The following DNAH12 variants were observed in gnomAD, a reference collection of about 807,000 sequenced individuals.
The protein encoded by DNAH12 is dynein axonemal heavy chain 12, also known as axonemal beta dynein heavy chain 12.
A neutral mutation model predicts 371.5 loss-of-function variants in DNAH12; 285 were observed. That is an observed-to-expected ratio of 0.77 (90% CI 0.70 to 0.85). The LOEUF (loss-of-function observed/expected upper bound fraction) is 0.85, where lower values mean the gene tolerates loss of function less well. Among genes scored for constraint, DNAH12 ranks in the 40% least tolerant of loss-of-function variants. The probability of loss-of-function intolerance (pLI) is 0.00; values close to 1 mark genes in which losing one functional copy is unlikely to be tolerated. For synonymous variants in DNAH12, 1,200 were observed against 1,213.0 expected (o/e 0.99, Z 0.22); for missense variants, 3,611 against 3,689.4 (o/e 0.98, Z 0.55).
intron 32 of DNAH12, among the ~76,000 whole-genome samples, chr3:57,431,032 C>G (rs188268599): frequency 6.6e-6 from 1 of 152,196 alleles, no homozygotes; most frequent in Admixed American, 6.5e-5. Context: ...TCAGAGAACA[C>G]AGATAGTTGC....
chr3:57,516,263 C>T (rs2068190882), intron 4 of DNAH12, among the ~76,000 whole-genome samples: 1 of 151,512 alleles, frequency 6.6e-6, no homozygotes, highest in Non-Finnish European at 1.5e-5. Context: ...GGGGTTTCAC[C>T]ATGTTGGTCA....
At chr3:57,501,943 A>G (rs9843926) in intron 10 of DNAH12, among the ~76,000 whole-genome samples, 101,037 of 150,676 alleles carry the variant, frequency 0.67, 34,044 homozygotes, top group South Asian at 0.75. Context: ...GTCTCGCTCT[A>G]TCGCCCAGGC....
At chr3:57,435,373 C>CAAAAAAAAAAAAAAAAAAAAAAAA (rs34515598) in intron 30 of DNAH12, among the ~76,000 whole-genome samples, 8 of 94,742 alleles carry the variant, frequency 8.4e-5, no homozygotes, top group Non-Finnish European at 1.6e-4. Flanking sequence ...CTCTGTCTCC[C>CAAAAAAAAAAAAAAAAAAAAAAAA]AAAAAAAAAA....
intron 2 of DNAH12, among the ~76,000 whole-genome samples, chr3:57,541,503 C>A (rs2069282201): frequency 6.6e-6 from 1 of 151,674 alleles, no homozygotes; most frequent in South Asian, 2.1e-4. Context: ...GTAGTTAGGA[C>A]CACAGGCATG....
intron 59 of DNAH12, among the ~76,000 whole-genome samples, chr3:57,354,398 G>A (rs2062749376): frequency 6.6e-6 from 1 of 152,030 alleles, no homozygotes; most frequent in East Asian, 1.9e-4. Context: ...TGGGTACCAT[G>A]CTTATTACCT....
At chr3:57,432,288 G>A (rs2064980411) in intron 32 of DNAH12, among the ~76,000 whole-genome samples, 1 of 149,358 alleles carries the variant, frequency 6.7e-6, no homozygotes, top group Admixed American at 6.8e-5. Flanking sequence ...TCCTGCCTCA[G>A]CCTCCTGAGT....
At chr3:57,494,845 C>T (rs1239331652) in intron 11 of DNAH12, among the ~76,000 whole-genome samples, 3 of 151,712 alleles carry the variant, frequency 2.0e-5, no homozygotes, top group Non-Finnish European at 4.4e-5. Flanking sequence ...CCCTTCTTTA[C>T]AAAAAATACA....
At chr3:57,503,951 T>A in intron 9 of DNAH12, 65 bp downstream of exon 9, 2 of 1,324,070 alleles carry the variant, frequency 1.5e-6, no homozygotes, top group Admixed American at 4.0e-5. Context: ...TATGTACACA[T>A]ACACTGCATA....
At chr3:57,400,556 GATTA>G (rs1444393567) in intron 43 of DNAH12, among the ~76,000 whole-genome samples, 23 of 152,256 alleles carry the variant, frequency 1.5e-4, no homozygotes, top group Admixed American at 4.6e-4. Context: ...ACTATGATTA[GATTA>G]ATTAATAAAT....
chr3:57,337,196 A>C (rs2062244243), intron 60 of DNAH12, among the ~76,000 whole-genome samples: 1 of 152,208 alleles, frequency 6.6e-6, no homozygotes, highest in African/African-American at 2.4e-5. Context: ...CAGCAAGAGA[A>C]TATAACAATT....
chr3:57,295,503 A>C, intron 73 of DNAH12, 22 bp downstream of exon 73: 1 of 1,542,286 alleles, frequency 6.5e-7, no homozygotes, highest in Non-Finnish European at 8.8e-7. Context: ...CTTCAAATAA[A>C]TTTTGTTGAG....
chr3:57,458,054 T>G, intron 21 of DNAH12, 45 bp downstream of exon 21: 2 of 1,536,314 alleles, frequency 1.3e-6, no homozygotes, highest in South Asian at 2.5e-5. Flanking sequence ...TCATCACACA[T>G]AAGAAAATGT....
intron 20 of DNAH12, among the ~76,000 whole-genome samples, chr3:57,459,336 A>T (rs2065988759): frequency 6.6e-6 from 1 of 152,212 alleles, no homozygotes; most frequent in Non-Finnish European, 1.5e-5. Flanking sequence ...GAGTGTTTAT[A>T]GTAGAAGGCA....
At chr3:57,513,624 GA>G in intron 4 of DNAH12, among the ~76,000 whole-genome samples, 1 of 152,150 alleles carries the variant, frequency 6.6e-6, no homozygotes, top group East Asian at 1.9e-4. Context: ...AACTACAACA[GA>G]AAAATGGGCA....
chr3:57,354,363 C>T (rs1422360866), intron 59 of DNAH12, among the ~76,000 whole-genome samples: 15 of 151,892 alleles, frequency 9.9e-5, no homozygotes, highest in Admixed American at 5.9e-4. Flanking sequence ...AGTAGGAGGA[C>T]GGTGAGGTTC....
chr3:57,489,684 T>C lies in DNAH12; in HGVS notation c.1339A>G (p.Ile447Val), dbSNP rs756108774. 4.8e-5 allele frequency: 72 copies of C among 1,500,738 alleles called. No individual in the cohort carries two copies. The highest frequency in any genetic ancestry group is 3.5e-6 in the Non-Finnish European group (4 of 1,133,082). 93.0% of individuals were successfully genotyped at this position (1,500,738 alleles called of 1,614,324 possible). The change falls in exon 12 of 74, where the codon ATA becomes GTA. Residue 447 changes from isoleucine to valine, a missense_variant. Coordinates refer to ENST00000495027, the MANE Select transcript of DNAH12 (RefSeq NM_001366028.2). ...GAGGCAAGACTGAGAAATTTTTCTA[T>C]AAACTTGAAAAAAAGTGTTCAAATG... ...DHTFDEYTEFIEKFLSLASEI... is the reference protein window; with the variant it reads ...DHTFDEYTEFVEKFLSLASEI...
intron 40 of DNAH12, 84 bp from the exon 41 acceptor site, chr3:57,406,036 A>C (rs782065325): frequency 4.4e-6 from 6 of 1,354,836 alleles, no homozygotes; most frequent in Non-Finnish European, 5.9e-6. Flanking sequence ...TATACAAAAT[A>C]TTTTATTTAC....
intron 11 of DNAH12, among the ~76,000 whole-genome samples, chr3:57,497,442 G>T (rs923912689): frequency 6.6e-6 from 1 of 152,166 alleles, no homozygotes; most frequent in Non-Finnish European, 1.5e-5. Context: ...CACAGATATA[G>T]GGTCAATTGA....
intron 62 of DNAH12, among the ~76,000 whole-genome samples, chr3:57,333,677 T>C (rs1230497209): frequency 1.3e-5 from 2 of 152,192 alleles, no homozygotes; most frequent in Admixed American, 6.5e-5. Flanking sequence ...GTTCATGGGA[T>C]GGACCAAAGA....
Sources: allele counts gnomAD v4.1 joint callset (sites outside exome capture counted in the v4.1 genomes callset), GRCh38; gene constraint gnomAD v4.1.1; transcripts MANE v1.5; gene names NCBI Gene and HGNC (gene_info 2026-07-23, HGNC 2026-07-21).